MYLK: variants seen among roughly 807,000 people sequenced by gnomAD.
The protein encoded by MYLK is myosin light chain kinase, smooth muscle.
A neutral mutation model predicts 203.4 loss-of-function variants in MYLK; 106 were observed. That is an observed-to-expected ratio of 0.52 (90% confidence interval 0.45 to 0.61). MYLK has a LOEUF of 0.61. Ranked by LOEUF, MYLK falls within the 20% of genes least tolerant of loss-of-function variation. The probability of loss-of-function intolerance (pLI) is 0.00; values close to 1 mark genes in which losing one functional copy is unlikely to be tolerated. For missense variants in MYLK, 2,072 were observed against 2,442.3 expected, an observed-to-expected ratio of 0.85 and a Z score of 3.20; for synonymous variants, 867 against 959.5, an observed-to-expected ratio of 0.90 and a Z score of 1.78.
chr3:123,737,331 G>C, intron 8 of MYLK, 47 bp downstream of exon 8: 1 of 1,613,230 alleles, frequency 6.2e-7, no homozygotes, highest in Non-Finnish European at 8.5e-7. Flanking sequence ...AGGAGGGTGC[G>C]GCACCAGGCA....
intron 19 of MYLK, among the ~76,000 whole-genome samples, chr3:123,687,631 T>TCCTTCCTTCCCTCCTTCCTTCCTTC (rs2060507210): frequency 2.0e-5 from 3 of 150,796 alleles, no homozygotes; most frequent in Non-Finnish European, 4.4e-5. Context: ...TTCCTTCCTT[T>TCCTTCCTTCCCTCCTTCCTTCCTTC]CCTTCCTTCC....
chr3:123,617,699 G>A (rs1359104281), intron 33 of MYLK: 1 of 152,234 alleles, frequency 6.6e-6, no homozygotes, highest in Non-Finnish European at 1.5e-5. Flanking sequence ...AGACCAAAAT[G>A]GGTGATAACC....
Position 123,700,879 on chromosome 3 carries a change from C to G in MYLK, c.2589G>C (p.Glu863Asp), listed in dbSNP as rs536506601. 1 of 1,613,288 alleles carries G rather than the reference C, an allele frequency of 6.2e-7. No individual in the cohort carries two copies. The highest frequency in any genetic ancestry group is 1.7e-5 in the Admixed American group (1 of 60,024). ...CCCCTCGCACGTCCTCGCCGTCTTC[C>G]TCCTCTAGCCAACCCTGCCCTCTTG... ...WPARGQGWLE[E>D]EDGEDVRGVL... Residue 863 changes from glutamate (E) to aspartate (D), a missense_variant, in exon 18 of 34, where the codon GAG becomes GAC. Coordinates refer to ENST00000360304, the MANE Select transcript of MYLK (RefSeq NM_053025.4).
chr3:123,760,460 G>A (rs945986865), intron 4 of MYLK, among the ~76,000 whole-genome samples: 2 of 152,222 alleles, frequency 1.3e-5, no homozygotes, highest in Non-Finnish European at 2.9e-5. Flanking sequence ...TTACAGGCAT[G>A]AGCCACCACG....
At chr3:123,667,029 TGG>T in intron 21 of MYLK, 106 bp downstream of exon 21, 1 of 1,017,082 alleles carries the variant, frequency 9.8e-7, no homozygotes, top group Non-Finnish European at 1.6e-6. Flanking sequence ...GGGGTTGCAG[TGG>T]GGTGTCTCCT....
chr3:123,727,436 C>T (rs2062329316), intron 11 of MYLK, among the ~76,000 whole-genome samples: 1 of 152,222 alleles, frequency 6.6e-6, no homozygotes, highest in Non-Finnish European at 1.5e-5. Flanking sequence ...TTTTACAAGG[C>T]ATGTGAACTT....
Position 123,735,391 on chromosome 3 carries a change from G to A in MYLK, c.773+7C>T, listed in dbSNP as rs2062639230. 6.2e-7 allele frequency: 1 copy of A among 1,614,072 alleles called. No individual in the cohort carries two copies. Among genetic ancestry groups the A allele is most frequent in the East Asian group, 2.2e-5 (1 of 44,892 alleles). On this transcript the variant is annotated splice_region_variant and intron_variant, in intron 9 of 33. Transcript: ENST00000360304. ...GAAAACGTAAAAGTCACAAAGCCTA[G>A]ACATACCTATTGGCACTGTCCAAAC... is the stretch of plus-strand genomic sequence containing the variant.
intron 4 of MYLK, among the ~76,000 whole-genome samples, chr3:123,766,343 G>A (rs1006987157): frequency 3.3e-5 from 5 of 152,296 alleles, no homozygotes; most frequent in Non-Finnish European, 7.4e-5. Flanking sequence ...GCTCCAGGCC[G>A]CCCAGAAGTG....
chr3:123,775,057 G>A (rs1039771284), intron 4 of MYLK, among the ~76,000 whole-genome samples: 1 of 151,928 alleles, frequency 6.6e-6, no homozygotes, highest in African/African-American at 2.4e-5. Context: ...TTAGAGATGG[G>A]GTTTTGCTCT....
chr3:123,714,297 C>T (rs1253097813), intron 13 of MYLK, among the ~76,000 whole-genome samples: 1 of 152,184 alleles, frequency 6.6e-6, no homozygotes, highest in Non-Finnish European at 1.5e-5. Context: ...TGGGTGCTTT[C>T]CCTTGACTGT....
chr3:123,733,071 C>A lies in MYLK; in HGVS notation c.1341G>T (p.Trp447Cys). The A allele has an allele frequency of 6.2e-7, 1 of 1,614,036 alleles. No individual in the cohort carries two copies. The highest frequency in any genetic ancestry group is 8.5e-7 in the Non-Finnish European group (1 of 1,180,012). The change falls in exon 11 of 34, where the codon TGG becomes TGT. Residue 447 changes from tryptophan (W) to cysteine (C), a missense_variant. Transcript: ENST00000360304. ...VSGIPKPEVA[W>C]FLEGTPVRRQ... is the part of the protein sequence containing the mutation. The stretch of plus-strand genomic sequence containing the variant: ...TCCTCACGGGGGTGCCTTCCAGGAA[C>A]CAGGCCACTTCAGGCTTTGGAATCC...
intron 5 of MYLK, among the ~76,000 whole-genome samples, chr3:123,746,413 G>T (rs2063018988): frequency 6.6e-6 from 1 of 152,054 alleles, no homozygotes. Flanking sequence ...GGGAGAAGGA[G>T]GTGGAGGAAT....
rs370587479 is a variant in MYLK, at chr3:123,629,422, C to T, written c.5114+52G>A. On this transcript the variant is annotated intron_variant, in intron 30 of 33. Coordinates refer to ENST00000360304, the MANE Select transcript of MYLK (RefSeq NM_053025.4). This position sits in a 1 kb window ranked among gnomAD's most constrained non-coding sequence, Gnocchi z 4.4. ...AGGCAAAGGAATCCCCCTTTGCTTC[C>T]CAACACAGGGCAGGGAGTAGGGAAG... 9.2e-5 allele frequency: 149 copies of T among 1,611,182 alleles called. No individual in the cohort carries two copies. The highest frequency in any genetic ancestry group is 5.0e-4 in the Middle Eastern group (3 of 5,998).
chr3:123,802,505 T>G (rs1204750855), intron 3 of MYLK, among the ~76,000 whole-genome samples: 4 of 152,252 alleles, frequency 2.6e-5, no homozygotes, highest in Non-Finnish European at 5.9e-5. Flanking sequence ...GGAGGAGCAT[T>G]TCTGCTCAGC....
chr3:123,801,352 T>C (rs143928472), intron 3 of MYLK, among the ~76,000 whole-genome samples: 3 of 152,354 alleles, frequency 2.0e-5, no homozygotes, highest in African/African-American at 7.2e-5. Context: ...ATTTCTGTCC[T>C]TCTTAAAATA....
At chr3:123,733,315 G>C in intron 10 of MYLK, among the ~76,000 whole-genome samples, 1 of 152,130 alleles carries the variant, frequency 6.6e-6, no homozygotes, top group African/African-American at 2.4e-5. Context: ...TGAATACAGC[G>C]TGATGGGCAA....
At chr3:123,793,264 G>A (rs781485984) in intron 4 of MYLK, among the ~76,000 whole-genome samples, 5 of 152,102 alleles carry the variant, frequency 3.3e-5, no homozygotes, top group East Asian at 1.9e-4. Flanking sequence ...CAAGAAGGTC[G>A]GCTAACTAAA....
chr3:123,831,907 C>G (rs2066343010), intron 2 of MYLK, among the ~76,000 whole-genome samples: 1 of 152,170 alleles, frequency 6.6e-6, no homozygotes, highest in African/African-American at 2.4e-5. Flanking sequence ...CCACAGAGGA[C>G]AGACGCAGAA....
chr3:123,740,058 G>T, intron 5 of MYLK, 57 bp from the exon 6 acceptor site: 1 of 1,580,970 alleles, frequency 6.3e-7, no homozygotes, highest in Non-Finnish European at 8.7e-7. Flanking sequence ...AGCAATGAAA[G>T]TAAAAAGATT....
Sources: gnomAD v4.1 joint callset for allele counts (sites outside exome capture counted in the v4.1 genomes callset) on GRCh38, gnomAD v4.1.1 for gene constraint, Gnocchi (gnomAD v3.1) non-coding constraint, MANE v1.5 for transcripts, NCBI Gene and HGNC (gene_info 2026-07-23, HGNC 2026-07-21) for gene names.